The following UBE4B variants were observed in gnomAD, a reference collection of about 807,000 sequenced individuals.
UBE4B encodes ubiquitin conjugation factor E4 B.
Under a neutral mutation model 148.1 loss-of-function variants are expected in UBE4B, and 27 were observed. The observed-to-expected ratio is 0.18, with a 90% CI of 0.13 to 0.25. The LOEUF is 0.25. Among genes scored for constraint, UBE4B ranks in the 10% least tolerant of loss-of-function variants. The pLI is 1.00. For missense variants in UBE4B, 1,170 were observed against 1,662.4 expected, an observed-to-expected ratio of 0.70 and a Z score of 5.15; for synonymous variants, 596 against 619.3, an observed-to-expected ratio of 0.96 and a Z score of 0.56.
In UBE4B at chr1:10,117,614, G is replaced by A; in HGVS notation, c.1338+14G>A. On this transcript the variant is annotated intron_variant, in intron 8 of 27. Coordinates refer to ENST00000343090, the MANE Select transcript of UBE4B (RefSeq NM_001105562.3). ...AAAGCACCAAAGGTAATATGAAATGGATTAACTTAAAAAAAAAAAAGCCTA... is the reference window on the plus strand; with the variant it reads ...AAAGCACCAAAGGTAATATGAAATGAATTAACTTAAAAAAAAAAAAGCCTA... 1 of 1,555,004 alleles carries A rather than the reference G, an allele frequency of 6.4e-7. No homozygotes were observed. Among genetic ancestry groups the A allele is most frequent in the Admixed American group, 2.2e-5 (1 of 44,804 alleles).
intron 25 of UBE4B, among the ~76,000 whole-genome samples, chr1:10,175,455 T>C (rs778541952): frequency 1.1e-4 from 17 of 151,264 alleles, no homozygotes; most frequent in East Asian, 5.8e-4. Context: ...ATCGAGACCG[T>C]CCTGGCTAAC....
chr1:10,072,125 C>T lies in UBE4B; in HGVS notation c.122C>T (p.Pro41Leu). 6.2e-7 allele frequency: 1 copy of T among 1,613,744 alleles called. No individual in the cohort carries two copies. The highest frequency in any genetic ancestry group is 8.5e-7 in the Non-Finnish European group (1 of 1,179,880). ...SPQRENPPGP[P>L]IAASAPGPSQ... ...CAGAGGGAGAACCCTCCGGGGCCTC[C>T]CATAGCGGCATCAGCCCCAGGACCC... Residue 41 changes from proline (P) to leucine (L), a missense_variant, in exon 2 of 28, where the codon CCC becomes CTC. Coordinates refer to ENST00000343090, the MANE Select transcript of UBE4B (RefSeq NM_001105562.3).
chr1:10,179,888 T>C lies in UBE4B; in HGVS notation c.3848-7T>C. The C allele has an allele frequency of 6.2e-7, 1 of 1,613,814 alleles. No homozygotes were observed. The highest frequency in any genetic ancestry group is 1.7e-5 in the Admixed American group (1 of 60,004). On this transcript the variant is annotated splice_polypyrimidine_tract_variant and splice_region_variant and intron_variant, in intron 27 of 27. Transcript: ENST00000343090. ...GGGCATTAATCCTCCTTTTTTTCTT[T>C]TCTCAGTGCCAGAACTGAAAGAGCA...
At position 10,068,114 on chromosome 1, in the gene UBE4B, C is replaced by T. The variant is rs112582067; in HGVS notation, c.25-3914C>T. Among the ~76,000 whole-genome samples, 1,253 of 150,898 alleles carry T rather than the reference C, an allele frequency of 8.3e-3. 26 individuals carry two copies. The highest frequency in any genetic ancestry group is 0.029 in the African/African-American group (1,207 of 40,970). Reference sequence around the variant, plus strand: ...CACAATCTTGGCTCACTGCAACCTCCGCCTCCTGGGTTCAAGTGATTCTCC... The same window carrying T: ...CACAATCTTGGCTCACTGCAACCTCTGCCTCCTGGGTTCAAGTGATTCTCC... On this transcript the variant is annotated intron_variant, in intron 1 of 27. Transcript: ENST00000343090.
intron 2 of UBE4B, among the ~76,000 whole-genome samples, chr1:10,091,228 T>C (rs1329719967): frequency 6.6e-6 from 1 of 152,184 alleles, no homozygotes; most frequent in South Asian, 2.1e-4. Flanking sequence ...TTTGTGAAGA[T>C]GAAGGAAGAA....
At chr1:10,124,909 T>G (rs146545318) in intron 10 of UBE4B, among the ~76,000 whole-genome samples, 2,489 of 152,234 alleles carry the variant, frequency 0.016, 61 homozygotes, top group African/African-American at 0.055. Context: ...GTGGATCGCC[T>G]GAGCTCAGGA....
chr1:10,143,923 TACTC>T (rs1287059892), intron 17 of UBE4B, among the ~76,000 whole-genome samples: 1 of 152,192 alleles, frequency 6.6e-6, no homozygotes, highest in African/African-American at 2.4e-5. Context: ...CACTTCACAG[TACTC>T]ACTCTGCCTT....
chr1:10,100,062 T>A (rs1644985323), intron 3 of UBE4B, among the ~76,000 whole-genome samples: 1 of 152,116 alleles, frequency 6.6e-6, no homozygotes. Flanking sequence ...CAGTCTTGGC[T>A]CACTGCGAGC....
At chr1:10,113,515 A>G (rs941694177) in intron 7 of UBE4B, among the ~76,000 whole-genome samples, 1 of 152,262 alleles carries the variant, frequency 6.6e-6, no homozygotes, top group Non-Finnish European at 1.5e-5. Context: ...AATCGTCTAC[A>G]TAGTCTTCTA....
chr1:10,133,816 G>C (rs1645634403), intron 15 of UBE4B, among the ~76,000 whole-genome samples: 1 of 152,124 alleles, frequency 6.6e-6, no homozygotes, highest in African/African-American at 2.4e-5. Context: ...TTGGGAGGCT[G>C]AGGCAAGAGG....
intron 17 of UBE4B, among the ~76,000 whole-genome samples, chr1:10,144,291 T>G (rs1032888928): frequency 6.6e-6 from 1 of 152,150 alleles, no homozygotes; most frequent in Non-Finnish European, 1.5e-5. Flanking sequence ...ATAGGCAAAG[T>G]AACCTCGAAT....
chr1:10,055,809 A>G (rs1315492657), intron 1 of UBE4B, among the ~76,000 whole-genome samples: 1 of 152,146 alleles, frequency 6.6e-6, no homozygotes, highest in Non-Finnish European at 1.5e-5. Flanking sequence ...AGTCCCAGCT[A>G]CTTGGGAGGC....
At chr1:10,067,350 C>G (rs1644407826) in intron 1 of UBE4B, among the ~76,000 whole-genome samples, 1 of 151,190 alleles carries the variant, frequency 6.6e-6, no homozygotes, top group Non-Finnish European at 1.5e-5. Context: ...TGGTTTAGGA[C>G]ACAAATTGAG....
chr1:10,105,266 A>G (rs1286409784), intron 5 of UBE4B, among the ~76,000 whole-genome samples: 2 of 152,216 alleles, frequency 1.3e-5, no homozygotes, highest in African/African-American at 4.8e-5. Flanking sequence ...GGGAGTTCCT[A>G]TATATACTTT....
chr1:10,156,918 C>T (rs149618075), intron 21 of UBE4B, among the ~76,000 whole-genome samples: 1 of 151,884 alleles, frequency 6.6e-6, no homozygotes, highest in Non-Finnish European at 1.5e-5. Flanking sequence ...CCTGTAATCT[C>T]AGTACTTTGG....
chr1:10,115,186 T>C (rs915338694), intron 7 of UBE4B, among the ~76,000 whole-genome samples: 4 of 150,550 alleles, frequency 2.7e-5, no homozygotes, highest in African/African-American at 9.8e-5. Context: ...TTTTTTTTAA[T>C]AGCAGGCCAG....
At chr1:10,071,163 C>T (rs1000174583) in intron 1 of UBE4B, among the ~76,000 whole-genome samples, 2 of 152,174 alleles carry the variant, frequency 1.3e-5, no homozygotes, top group Non-Finnish European at 2.9e-5. Context: ...CCTCAGCCTC[C>T]CAGAGTGCTG....
chr1:10,126,525 T>C (rs1232369040), intron 10 of UBE4B, among the ~76,000 whole-genome samples: 1 of 152,116 alleles, frequency 6.6e-6, no homozygotes, highest in Non-Finnish European at 1.5e-5. Context: ...AATTACTGGG[T>C]TTTGTTGAAT....
intron 2 of UBE4B, among the ~76,000 whole-genome samples, chr1:10,086,813 C>A (rs1644772875): frequency 6.6e-6 from 1 of 152,070 alleles, no homozygotes. Flanking sequence ...CCTCAGCCTC[C>A]CAAGTAGCTG....
Sources: allele counts gnomAD v4.1 joint callset (sites outside exome capture counted in the v4.1 genomes callset), GRCh38; gene constraint gnomAD v4.1.1; transcripts MANE v1.5; gene names NCBI Gene and HGNC (gene_info 2026-07-23, HGNC 2026-07-21).